The following PRKACB variants were observed in gnomAD, a reference collection of about 807,000 sequenced individuals.
PRKACB encodes protein kinase cAMP-activated catalytic subunit beta, also known as cAMP-dependent protein kinase catalytic subunit beta.
PRKACB carries 16 observed loss-of-function variants against 51.4 expected under a neutral mutation model. The ratio of observed to expected loss-of-function variants is 0.31; its 90% CI spans 0.21 to 0.47. PRKACB has a LOEUF of 0.47. Among genes scored for constraint, PRKACB ranks in the 20% least tolerant of loss-of-function variants. The pLI is 1.00. For missense variants in PRKACB, 309 were observed against 464.5 expected (o/e 0.67, Z 3.08); for synonymous variants, 147 against 154.4 (o/e 0.95, Z 0.35).
intron 6 of PRKACB, 109 bp downstream of exon 6, chr1:84,196,851 A>G: frequency 8.2e-7 from 1 of 1,216,298 alleles, no homozygotes; most frequent in Non-Finnish European, 1.1e-6. Flanking sequence ...ACTTTCTCCT[A>G]ATAGTTTAAG....
chr1:84,084,224 A>G (rs1017272319), intron 1 of PRKACB, among the ~76,000 whole-genome samples: 2 of 152,168 alleles, frequency 1.3e-5, no homozygotes, highest in African/African-American at 4.8e-5. Context: ...CCGAGCATTG[A>G]TAAGTGAAGA....
At chr1:84,111,550 A>G (rs1650228656) in intron 1 of PRKACB, among the ~76,000 whole-genome samples, 2 of 152,098 alleles carry the variant, frequency 1.3e-5, no homozygotes, top group Admixed American at 6.6e-5. Context: ...TCTCAAAGGA[A>G]TTAACCCAAG....
chr1:84,219,299 G>T (rs181385670), intron 9 of PRKACB, among the ~76,000 whole-genome samples: 1 of 149,620 alleles, frequency 6.7e-6, no homozygotes, highest in Non-Finnish European at 1.5e-5. Flanking sequence ...ATCTCGGCTC[G>T]CTGCACCCTC....
chr1:84,192,213 T>G (rs1667008409), intron 5 of PRKACB, among the ~76,000 whole-genome samples: 1 of 152,122 alleles, frequency 6.6e-6, no homozygotes, highest in African/African-American at 2.4e-5. Context: ...GTATGTGAAC[T>G]AAATTATAGG....
At chr1:84,161,151 T>G (rs543367582) in intron 1 of PRKACB, among the ~76,000 whole-genome samples, 19 of 151,996 alleles carry the variant, frequency 1.3e-4, no homozygotes, top group African/African-American at 4.6e-4. Context: ...GGCTCTTCTG[T>G]TCAATGCATA....
At chr1:84,193,006 C>A (rs911061221) in intron 5 of PRKACB, among the ~76,000 whole-genome samples, 4 of 152,014 alleles carry the variant, frequency 2.6e-5, no homozygotes, top group Non-Finnish European at 5.9e-5. Flanking sequence ...GAACAATAAG[C>A]CTTCTCCAAA....
chr1:84,179,367 G>A, intron 2 of PRKACB, 129 bp downstream of exon 2: 1 of 1,132,058 alleles, frequency 8.8e-7, no homozygotes, highest in Non-Finnish European at 1.2e-6. Flanking sequence ...AGCTTAAAAT[G>A]GGAATTTTGC....
At chr1:84,129,479 A>T (rs1048938875) in intron 1 of PRKACB, among the ~76,000 whole-genome samples, 2 of 152,198 alleles carry the variant, frequency 1.3e-5, no homozygotes, top group Admixed American at 1.3e-4. Context: ...TTGTCTCATA[A>T]AGTACTGTGA....
chr1:84,166,301 T>A (rs533514536), intron 1 of PRKACB, among the ~76,000 whole-genome samples: 1 of 151,870 alleles, frequency 6.6e-6, no homozygotes, highest in African/African-American at 2.4e-5. Context: ...CTGGTTGTCA[T>A]ACATATATTT....
At chr1:84,126,617 G>A (rs751179641) in intron 1 of PRKACB, among the ~76,000 whole-genome samples, 11 of 152,142 alleles carry the variant, frequency 7.2e-5, no homozygotes, top group Non-Finnish European at 1.3e-4. Context: ...AGGAATGCAT[G>A]TTCTCACTTT....
chr1:84,099,595 GC>G (rs1172487886), intron 1 of PRKACB, among the ~76,000 whole-genome samples: 1 of 151,790 alleles, frequency 6.6e-6, no homozygotes, highest in African/African-American at 2.4e-5. Context: ...TTAGGAGCTA[GC>G]TACTTAGGGG....
upstream of PRKACB, chr1:84,144,261 G>A: frequency 1.3e-6 from 2 of 1,520,386 alleles, no homozygotes. Flanking sequence ...CTGCAAACAG[G>A]AAGTTTGACA....
At chr1:84,197,899 T>G in intron 7 of PRKACB, 75 bp downstream of exon 7, 1 of 1,005,880 alleles carries the variant, frequency 9.9e-7, no homozygotes, top group African/African-American at 1.7e-5. Flanking sequence ...TAAAAACAGT[T>G]TATTGATCTA....
intron 1 of PRKACB, among the ~76,000 whole-genome samples, chr1:84,086,922 G>T (rs1648053337): frequency 6.6e-6 from 1 of 152,168 alleles, no homozygotes; most frequent in African/African-American, 2.4e-5. Context: ...TCTGAGCAGG[G>T]GGCTTAACTG....
intron 5 of PRKACB, among the ~76,000 whole-genome samples, chr1:84,194,106 G>A (rs1039499279): frequency 1.6e-4 from 25 of 151,920 alleles, no homozygotes; most frequent in Non-Finnish European, 2.5e-4. Context: ...CTCTCCTATC[G>A]TCCTCTCTCT....
chr1:84,177,560 G>GT, intron 1 of PRKACB, among the ~76,000 whole-genome samples: 1 of 152,070 alleles, frequency 6.6e-6, no homozygotes, highest in East Asian at 1.9e-4. Flanking sequence ...GGGCAGCACA[G>GT]TTAGACCCTC....
At chr1:84,087,941 T>A (rs1423133083) in intron 1 of PRKACB, among the ~76,000 whole-genome samples, 3 of 152,198 alleles carry the variant, frequency 2.0e-5, no homozygotes, top group Admixed American at 6.5e-5. Flanking sequence ...GTTGTCTTCA[T>A]GTAGCTTATA....
intron 1 of PRKACB, chr1:84,157,275 A>G (rs1181811447): frequency 1.3e-5 from 2 of 152,176 alleles, no homozygotes; most frequent in Non-Finnish European, 2.9e-5. Context: ...GAGGTAATGG[A>G]TGCCTACCAG....
chr1:84,180,299 A>G (rs1662975904), intron 2 of PRKACB, among the ~76,000 whole-genome samples: 1 of 149,278 alleles, frequency 6.7e-6, no homozygotes, highest in South Asian at 2.1e-4. Context: ...ATTCAAAGTG[A>G]AGTGAAAGTA....
Sources: allele counts gnomAD v4.1 joint callset (sites outside exome capture counted in the v4.1 genomes callset), GRCh38; gene constraint gnomAD v4.1.1; transcripts MANE v1.5; gene names NCBI Gene and HGNC (gene_info 2026-07-23, HGNC 2026-07-21).